Variants in KIRREL3 observed in about 807,000 individuals in gnomAD.
KIRREL3 encodes the protein kin of IRRE-like protein 3.
Under a neutral mutation model 89.7 loss-of-function variants are expected in KIRREL3, and 36 were observed. The observed-to-expected ratio is 0.40, with a 90% CI of 0.31 to 0.53. The LOEUF is 0.53. KIRREL3 is among the 20% of genes least tolerant of loss of function. KIRREL3 has a pLI of 0.49. For missense variants in KIRREL3, 864 were observed against 1,056.6 expected, an observed-to-expected ratio of 0.82 and a Z score of 2.53; for synonymous variants, 445 against 441.4, an observed-to-expected ratio of 1.01 and a Z score of -0.10.
chr11:126,920,841 G>T (rs10790857), intron 1 of KIRREL3, among the ~76,000 whole-genome samples: 96,817 of 151,430 alleles, frequency 0.64, 32,409 homozygotes, highest in Middle Eastern at 0.84. Context: ...GGCCTTCTCT[G>T]CCTGATTCCA....
Position 126,740,966 on chromosome 11 carries a change from G to A in KIRREL3, c.56-178054C>T, listed in dbSNP as rs538548691. The stretch of plus-strand genomic sequence containing the variant: ...CAGATAGTGCTTACTTTGGGGCTGA[G>A]TGAGAATAGGAAAGTGGCAGAACAG... On this transcript the variant is annotated intron_variant, in intron 1 of 16. Coordinates refer to ENST00000525144, the MANE Select transcript of KIRREL3 (RefSeq NM_032531.4). The surrounding 1 kb of genome is among the most constrained non-coding windows in gnomAD (Gnocchi z 6.0). Among the ~76,000 whole-genome samples, 4 of 152,288 alleles carry A rather than the reference G, an allele frequency of 2.6e-5. No homozygotes were observed. The East Asian group carries it at 7.7e-4, about 29-fold the overall frequency.
At chr11:126,438,139 C>G (rs1750792525) in intron 11 of KIRREL3, among the ~76,000 whole-genome samples, 1 of 152,250 alleles carries the variant, frequency 6.6e-6, no homozygotes, top group African/African-American at 2.4e-5. Context: ...CACACAAATG[C>G]CCCCCGGGAC....
intron 1 of KIRREL3, among the ~76,000 whole-genome samples, chr11:126,681,323 G>C (rs1437782792): frequency 6.6e-6 from 1 of 152,146 alleles, no homozygotes; most frequent in Non-Finnish European, 1.5e-5. Context: ...TTGCCTACCT[G>C]TCCAGGAAAA....
In KIRREL3 at chr11:126,877,311, A is replaced by G. The variant is rs1945329650; in HGVS notation, c.55+123144T>C. ...TAGCAAAAGAGCGTTCTATATATAC[A>G]TGCATTTTCAAAATATTGTGGCTTC... On this transcript the variant is annotated intron_variant, in intron 1 of 16. Transcript: ENST00000525144. This position sits in a 1 kb window ranked among gnomAD's most constrained non-coding sequence, Gnocchi z 4.9. Among the ~76,000 whole-genome samples the G allele has an allele frequency of 6.6e-6, 1 of 152,204 alleles. No individual in the cohort carries two copies.
At chr11:126,727,802 A>T (rs926815813) in intron 1 of KIRREL3, among the ~76,000 whole-genome samples, 4 of 152,240 alleles carry the variant, frequency 2.6e-5, no homozygotes, top group African/African-American at 9.6e-5. Context: ...AAGGACTTTC[A>T]GTGGGGGAAT....
chr11:126,896,820 C>T lies in KIRREL3; in HGVS notation c.55+103635G>A, dbSNP rs1165528777. 6.6e-6 allele frequency among the ~76,000 whole-genome samples: 1 copy of T among 152,144 alleles called. No individual in the cohort carries two copies. The highest frequency in any genetic ancestry group is 1.5e-5 in the Non-Finnish European group (1 of 68,040). On this transcript the variant is annotated intron_variant, in intron 1 of 16. Transcript: ENST00000525144. This position sits in a 1 kb window ranked among gnomAD's most constrained non-coding sequence, Gnocchi z 4.1. The stretch of plus-strand genomic sequence containing the variant: ...TAACTGCTCAGATCTTACCCAAGCG[C>T]GTGTTCTCCTCTTTCATAGCTTCCA...
Position 126,519,078 on chromosome 11 carries a change from G to A in KIRREL3, c.433+2237C>T, listed in dbSNP as rs983539134. On this transcript the variant is annotated intron_variant, in intron 4 of 16. Transcript: ENST00000525144. This position sits in a 1 kb window ranked among gnomAD's most constrained non-coding sequence, Gnocchi z 4.3. ...GCTGGGGATCATGGAAACTTCCTCT[G>A]CCCTCCTTCCGCTGATCTCCAGACT... Among the ~76,000 whole-genome samples the A allele has an allele frequency of 2.5e-4, 38 of 152,230 alleles. No individual in the cohort carries two copies. The highest frequency in any genetic ancestry group is 8.9e-4 in the African/African-American group (37 of 41,468).
intron 1 of KIRREL3, among the ~76,000 whole-genome samples, chr11:126,861,115 A>G (rs1158356944): frequency 6.6e-6 from 1 of 152,184 alleles, no homozygotes; most frequent in African/African-American, 2.4e-5. Flanking sequence ...GTTTTGTACT[A>G]AGGATATTGT....
At chr11:126,597,813 G>C (rs999284180) in intron 1 of KIRREL3, among the ~76,000 whole-genome samples, 1 of 152,174 alleles carries the variant, frequency 6.6e-6, no homozygotes. Context: ...GTATGCAATT[G>C]GTCACCATCC....
chr11:126,614,176 T>C lies in KIRREL3; in HGVS notation c.56-51264A>G, dbSNP rs1943252457. 6.6e-6 allele frequency among the ~76,000 whole-genome samples: 1 copy of C among 152,136 alleles called. No homozygotes were observed. The highest frequency in any genetic ancestry group is 2.4e-5 in the African/African-American group (1 of 41,430). On this transcript the variant is annotated intron_variant, in intron 1 of 16. Transcript: ENST00000525144. This position sits in a 1 kb window ranked among gnomAD's most constrained non-coding sequence, Gnocchi z 4.6. ...AGAAGGGGGATTAACATGTGCGCTTTAAGGGTTGGAAAAGTTCGATCTATT... is the reference window on the plus strand; with the variant it reads ...AGAAGGGGGATTAACATGTGCGCTTCAAGGGTTGGAAAAGTTCGATCTATT...
At chr11:126,765,186 AC>A (rs1234147797) in intron 1 of KIRREL3, among the ~76,000 whole-genome samples, 1 of 152,080 alleles carries the variant, frequency 6.6e-6, no homozygotes, top group African/African-American at 2.4e-5. Flanking sequence ...GCCCAACTAT[AC>A]CCCGTGGCTC....
At chr11:126,721,529 C>A (rs1227594279) in intron 1 of KIRREL3, among the ~76,000 whole-genome samples, 83 of 135,742 alleles carry the variant, frequency 6.1e-4, no homozygotes, top group Middle Eastern at 3.8e-3. Flanking sequence ...AACTCCGTCT[C>A]AAAAAAAAAA....
intron 1 of KIRREL3, among the ~76,000 whole-genome samples, chr11:126,861,965 G>C (rs1420614059): frequency 1.3e-5 from 2 of 152,224 alleles, no homozygotes; most frequent in East Asian, 3.9e-4. Flanking sequence ...GAGTGCACAT[G>C]AGCATGGCTC....
At chr11:126,593,647 C>T (rs1942257012) in intron 1 of KIRREL3, among the ~76,000 whole-genome samples, 1 of 152,222 alleles carries the variant, frequency 6.6e-6, no homozygotes, top group Admixed American at 6.5e-5. Context: ...TGGGGGTCAT[C>T]CATGGGGTCT....
rs917891324 is a variant in KIRREL3 at position 126,641,043 on chromosome 11, A to T, written c.56-78131T>A. Among the ~76,000 whole-genome samples, 12 of 152,142 alleles carry T rather than the reference A, an allele frequency of 7.9e-5. No individual in the cohort carries two copies. Among genetic ancestry groups the T allele is most frequent in the Non-Finnish European group, 1.3e-4 (9 of 68,028 alleles). ...CTCAAATTTCACATGCTCCGAAAAG[A>T]ACTCCTGGTCTTCTCCCACAGGCCT... On this transcript the variant is annotated intron_variant, in intron 1 of 16. Coordinates refer to ENST00000525144, the MANE Select transcript of KIRREL3 (RefSeq NM_032531.4). The surrounding 1 kb of genome is among the most constrained non-coding windows in gnomAD (Gnocchi z 5.0).
Position 126,668,842 on chromosome 11 carries a change from C to T in KIRREL3, c.56-105930G>A, listed in dbSNP as rs1277255949. Among the ~76,000 whole-genome samples the T allele has an allele frequency of 6.6e-6, 1 of 151,892 alleles. No homozygotes were observed. The highest frequency in any genetic ancestry group is 1.9e-4 in the East Asian group (1 of 5,166). Reference sequence around the variant, plus strand: ...TAATGTTTGGCTCCATTTTAAACCCCTGGCTCTGAGTGTGCTGCTAAGAAT... The same window carrying T: ...TAATGTTTGGCTCCATTTTAAACCCTTGGCTCTGAGTGTGCTGCTAAGAAT... On this transcript the variant is annotated intron_variant, in intron 1 of 16. Transcript: ENST00000525144. The surrounding 1 kb of genome is among the most constrained non-coding windows in gnomAD (Gnocchi z 4.4).
Position 126,498,787 on chromosome 11 carries a change from A to G in KIRREL3, c.433+22528T>C, listed in dbSNP as rs1004272957. Among the ~76,000 whole-genome samples, 3 of 152,182 alleles carry G rather than the reference A, an allele frequency of 2.0e-5. No individual in the cohort carries two copies. The stretch of plus-strand genomic sequence containing the variant: ...GCACCTAAGGTTGAGTCCCCCTCCC[A>G]CAGGAGCACCTGCGTGGGCCCTCAG... On this transcript the variant is annotated intron_variant, in intron 4 of 16. Transcript: ENST00000525144. This position sits in a 1 kb window ranked among gnomAD's most constrained non-coding sequence, Gnocchi z 4.3.
Position 126,441,348 on chromosome 11 carries a change from T to C in KIRREL3, c.1253-799A>G, listed in dbSNP as rs1189838775. 6.6e-6 allele frequency among the ~76,000 whole-genome samples: 1 copy of C among 152,228 alleles called. No homozygotes were observed. Among genetic ancestry groups the C allele is most frequent in the Non-Finnish European group, 1.5e-5 (1 of 68,032 alleles). On this transcript the variant is annotated intron_variant, in intron 10 of 16. Transcript: ENST00000525144. This position sits in a 1 kb window ranked among gnomAD's most constrained non-coding sequence, Gnocchi z 5.0. ...CATTGCACAGCCAAGAGAGTTCACC[T>C]GGTGGAGGGGAGCCTGTTCCCCAGC...
At chr11:126,735,221 A>G (rs953718250) in intron 1 of KIRREL3, among the ~76,000 whole-genome samples, 13 of 152,220 alleles carry the variant, frequency 8.5e-5, no homozygotes, top group Non-Finnish European at 1.6e-4. Flanking sequence ...GCTAGATGAG[A>G]TAAAACCCAT....
Sources: gnomAD v4.1 joint callset for allele counts (sites outside exome capture counted in the v4.1 genomes callset) on GRCh38, gnomAD v4.1.1 for gene constraint, Gnocchi (gnomAD v3.1) non-coding constraint, MANE v1.5 for transcripts, NCBI Gene and HGNC (gene_info 2026-07-23, HGNC 2026-07-21) for gene names.